KALRN: variants seen among roughly 807,000 people sequenced by gnomAD.
KALRN encodes kalirin RhoGEF kinase.
KALRN carries 70 observed loss-of-function variants against 353.7 expected under a neutral mutation model. The observed-to-expected ratio is 0.20, with a 90% CI of 0.16 to 0.24. The LOEUF (loss-of-function observed/expected upper bound fraction) is 0.24. Among genes scored for constraint, KALRN ranks in the 10% least tolerant of loss-of-function variants. The pLI, the probability that KALRN is intolerant of heterozygous loss-of-function variation, is 1.00. For missense variants in KALRN, 2,791 were observed against 3,756.7 expected (o/e 0.74, Z 6.72); for synonymous variants, 1,391 against 1,434.8 (o/e 0.97, Z 0.69).
At chr3:124,257,596 C>G (rs2072204329) in intron 3 of KALRN, among the ~76,000 whole-genome samples, 1 of 152,218 alleles carries the variant, frequency 6.6e-6, no homozygotes, top group Non-Finnish European at 1.5e-5. Context: ...CCTGGAGAGT[C>G]TATGAAACAG....
chr3:124,579,043 A>G (rs2074394149), intron 34 of KALRN, among the ~76,000 whole-genome samples: 1 of 152,122 alleles, frequency 6.6e-6, no homozygotes, highest in Non-Finnish European at 1.5e-5. Context: ...AAATGTGGGG[A>G]AATGATTGTG....
intron 4 of KALRN, among the ~76,000 whole-genome samples, chr3:124,265,320 A>G: frequency 3.6e-5 from 1 of 27,926 alleles, no homozygotes; most frequent in African/African-American, 1.4e-4. Context: ...TTTGAGATAG[A>G]GTCTCACTCT....
rs2063346143 is a variant in KALRN at position 124,721,056 on chromosome 3, A to G, written c.*1586A>G. The G allele has an allele frequency of 6.6e-6, 1 of 152,230 alleles. No homozygotes were observed. The highest frequency in any genetic ancestry group is 2.4e-5 in the African/African-American group (1 of 41,462). 9.4% of individuals were successfully genotyped at this position (152,230 alleles called of 1,614,324 possible). A position where few individuals can be genotyped will look rare whatever the true frequency, so the allele number is the denominator to read the frequency against. Reference sequence around the variant, plus strand: ...CAGAAGTGCAAGAAGAGAATTTATGAAGGATGAATAGAACTACAAACCTAT... The same window carrying G: ...CAGAAGTGCAAGAAGAGAATTTATGGAGGATGAATAGAACTACAAACCTAT... On this transcript the variant is annotated 3_prime_UTR_variant, in exon 60 of 60. Coordinates refer to ENST00000682506, the MANE Select transcript of KALRN (RefSeq NM_001388419.1).
chr3:124,084,996 C>T (rs2060734121), intron 1 of KALRN, among the ~76,000 whole-genome samples: 1 of 152,214 alleles, frequency 6.6e-6, no homozygotes, highest in Admixed American at 6.5e-5. Flanking sequence ...ATAGACGTAC[C>T]ATGTAACGAC....
At chr3:124,111,913 A>T (rs1159081804) in intron 1 of KALRN, among the ~76,000 whole-genome samples, 1 of 152,228 alleles carries the variant, frequency 6.6e-6, no homozygotes, top group Non-Finnish European at 1.5e-5. Flanking sequence ...ATAGGAATAG[A>T]TCTGATGCAG....
chr3:124,420,101 T>G (rs1162069595), intron 14 of KALRN, among the ~76,000 whole-genome samples: 1 of 152,242 alleles, frequency 6.6e-6, no homozygotes, highest in African/African-American at 2.4e-5. Context: ...TCCTGAGGCA[T>G]GCAGAGGTGC....
rs1029550142 is a variant in KALRN at position 124,634,074 on chromosome 3, A to G, written c.5568+121A>G. Reference sequence around the variant, plus strand: ...GTTATCTCGTCGTCCACATGAATCCATGTTGATACCAATTGTGTCTCTATT... The same window carrying G: ...GTTATCTCGTCGTCCACATGAATCCGTGTTGATACCAATTGTGTCTCTATT... On this transcript the variant is annotated intron_variant, in intron 36 of 59. Coordinates refer to ENST00000682506, the MANE Select transcript of KALRN (RefSeq NM_001388419.1). 6.9e-6 allele frequency: 5 copies of G among 720,652 alleles called. No homozygotes were observed. The African/African-American group carries it at 8.9e-5, about 13-fold the overall frequency. 44.6% of individuals were successfully genotyped at this position (720,652 alleles called of 1,614,324 possible). A position where few individuals can be genotyped will look rare whatever the true frequency, so the allele number is the denominator to read the frequency against.
At chr3:124,548,987 C>T (rs1340622575) in intron 33 of KALRN, among the ~76,000 whole-genome samples, 1 of 152,146 alleles carries the variant, frequency 6.6e-6, no homozygotes, top group Admixed American at 6.5e-5. Flanking sequence ...AAACAGCAGC[C>T]CTATTAAGTT....
chr3:124,295,637 C>T (rs187007252), intron 5 of KALRN, among the ~76,000 whole-genome samples: 5 of 152,142 alleles, frequency 3.3e-5, no homozygotes, highest in African/African-American at 4.8e-5. Flanking sequence ...GGTCACTAAT[C>T]GGCCACTGAA....
intron 34 of KALRN, among the ~76,000 whole-genome samples, chr3:124,590,827 A>G (rs35695095): frequency 0.089 from 13,516 of 152,212 alleles, 746 homozygotes; most frequent in Non-Finnish European, 0.11. Context: ...AGCTACAGCC[A>G]GAAGGAACAC....
intron 1 of KALRN, among the ~76,000 whole-genome samples, chr3:124,070,930 T>A (rs942386193): frequency 1.3e-5 from 2 of 152,226 alleles, no homozygotes; most frequent in African/African-American, 4.8e-5. Context: ...ATATAATATT[T>A]GTATGATTGA....
At chr3:124,619,402 G>A (rs929356634) in intron 34 of KALRN, among the ~76,000 whole-genome samples, 1 of 151,848 alleles carries the variant, frequency 6.6e-6, no homozygotes, top group Non-Finnish European at 1.5e-5. Flanking sequence ...ATCTCTATGA[G>A]GTAGTAACTT....
rs867125133 is a variant in KALRN at position 124,427,189 on chromosome 3, A to G, written c.2710-3467A>G. Reference sequence around the variant, plus strand: ...CCAAAAGAGGGGCAGCCAACAGGACAAGTACTATCCTTTTGTTTCAAAATG... The same window carrying G: ...CCAAAAGAGGGGCAGCCAACAGGACGAGTACTATCCTTTTGTTTCAAAATG... On this transcript the variant is annotated intron_variant, in intron 15 of 59. Coordinates refer to ENST00000682506, the MANE Select transcript of KALRN (RefSeq NM_001388419.1). Among the ~76,000 whole-genome samples, 5 of 152,226 alleles carry G rather than the reference A, an allele frequency of 3.3e-5. No homozygotes were observed. The South Asian group carries it at 1.0e-3, about 32-fold the overall frequency.
intron 5 of KALRN, among the ~76,000 whole-genome samples, chr3:124,278,580 G>A (rs984486556): frequency 2.6e-5 from 4 of 151,694 alleles, no homozygotes; most frequent in Admixed American, 1.3e-4. Context: ...CTGGGACTAT[G>A]TGTCTCTACT....
chr3:124,517,029 G>A (rs1202837643), intron 33 of KALRN, among the ~76,000 whole-genome samples: 1 of 152,120 alleles, frequency 6.6e-6, no homozygotes, highest in Non-Finnish European at 1.5e-5. Context: ...TGTTGGCCAG[G>A]TTAGTCTCGA....
intron 2 of KALRN, among the ~76,000 whole-genome samples, chr3:124,233,783 TC>T (rs2079447406): frequency 6.6e-6 from 1 of 152,270 alleles, no homozygotes; most frequent in Admixed American, 6.5e-5. Context: ...TTTCATTAGA[TC>T]CCTTTGTGGT....
At chr3:124,633,052 A>G (rs2080953627) in intron 35 of KALRN, among the ~76,000 whole-genome samples, 1 of 152,252 alleles carries the variant, frequency 6.6e-6, no homozygotes, top group African/African-American at 2.4e-5. Context: ...AGATTGTTTC[A>G]TTTTGAAAAC....
intron 57 of KALRN, among the ~76,000 whole-genome samples, chr3:124,703,318 A>T (rs940002386): frequency 1.3e-5 from 2 of 152,174 alleles, no homozygotes; most frequent in Non-Finnish European, 2.9e-5. Context: ...AAGCCAAGGA[A>T]ATTTATGTAA....
Position 124,522,555 on chromosome 3 carries a change from A to G in KALRN, c.4935+26142A>G, listed in dbSNP as rs1262947475. Among the ~76,000 whole-genome samples, 5 of 152,310 alleles carry G rather than the reference A, an allele frequency of 3.3e-5. No individual in the cohort carries two copies. The East Asian group carries it at 5.8e-4, about 18-fold the overall frequency. ...TCCTAGCATTCCCTTTTTGTGGGGC[A>G]CTAAAGAAGTAGTTCTCAAACTTGA... On this transcript the variant is annotated intron_variant, in intron 33 of 59. Transcript: ENST00000682506.
Sources: allele counts gnomAD v4.1 joint callset (sites outside exome capture counted in the v4.1 genomes callset), GRCh38; gene constraint gnomAD v4.1.1; transcripts MANE v1.5; gene names NCBI Gene and HGNC (gene_info 2026-07-23, HGNC 2026-07-21).